The following PTPRN2 variants were observed in gnomAD, a reference collection of about 807,000 sequenced individuals.
The protein encoded by PTPRN2 is protein tyrosine phosphatase receptor type N2.
PTPRN2 carries 74 observed loss-of-function variants against 118.8 expected under a neutral mutation model. The ratio of observed to expected loss-of-function variants is 0.62; its 90% CI spans 0.52 to 0.76. The LOEUF is 0.76. Ranked by LOEUF, PTPRN2 falls within the 30% of genes least tolerant of loss-of-function variation. The probability of loss-of-function intolerance (pLI) is 0.00; values close to 1 mark genes in which losing one functional copy is unlikely to be tolerated. For synonymous variants in PTPRN2, 641 were observed against 608.0 expected, an observed-to-expected ratio of 1.05 and a Z score of -0.80; for missense variants, 1,481 against 1,394.4, an observed-to-expected ratio of 1.06 and a Z score of -0.99.
intron 11 of PTPRN2, among the ~76,000 whole-genome samples, chr7:157,976,830 T>G (rs1019907754): frequency 2.0e-5 from 3 of 151,980 alleles, no homozygotes; most frequent in Non-Finnish European, 4.4e-5. Flanking sequence ...TATTAAACTG[T>G]GGGGGTATAG....
intron 11 of PTPRN2, among the ~76,000 whole-genome samples, chr7:158,026,161 T>C (rs1807252571): frequency 6.6e-6 from 1 of 152,238 alleles, no homozygotes; most frequent in African/African-American, 2.4e-5. Flanking sequence ...CGCATGCTAA[T>C]GTATTATTTA....
At chr7:157,830,511 G>A (rs1451331711) in intron 12 of PTPRN2, among the ~76,000 whole-genome samples, 1 of 152,004 alleles carries the variant, frequency 6.6e-6, no homozygotes. Context: ...ACGCGGGGAG[G>A]GGTTGACCGT....
intron 14 of PTPRN2, among the ~76,000 whole-genome samples, chr7:157,645,209 C>T (rs534226823): frequency 8.5e-5 from 13 of 152,330 alleles, no homozygotes; most frequent in Admixed American, 2.6e-4. Flanking sequence ...GCCATGAGGA[C>T]TGTGTCCAAA....
At chr7:157,973,948 T>C (rs1251732652) in intron 11 of PTPRN2, among the ~76,000 whole-genome samples, 1 of 152,180 alleles carries the variant, frequency 6.6e-6, no homozygotes, top group Admixed American at 6.5e-5. Context: ...TCTCCATTCA[T>C]TGTCAGTGGT....
intron 12 of PTPRN2, among the ~76,000 whole-genome samples, chr7:157,847,137 C>A: frequency 7.0e-6 from 1 of 141,886 alleles, no homozygotes; most frequent in Non-Finnish European, 1.5e-5. Flanking sequence ...AGAGCCCTCT[C>A]TCACTCCATC....
At chr7:158,192,562 T>C (rs1047324235) in intron 4 of PTPRN2, 67 bp from the exon 5 acceptor site, 10 of 1,497,732 alleles carry the variant, frequency 6.7e-6, no homozygotes, top group African/African-American at 1.5e-5. Flanking sequence ...CTCTGTCCCC[T>C]GTGGTGCCTG....
At chr7:158,439,241 GGCCCCCGTCCACCTCCTGCGCATGCCTCA>G (rs1356332337) in intron 2 of PTPRN2, among the ~76,000 whole-genome samples, 1 of 151,984 alleles carries the variant, frequency 6.6e-6, no homozygotes, top group Non-Finnish European at 1.5e-5. Context: ...ACATGCCTCA[GGCCCCCGTCCACCTCCTGCGCATGCCTCA>G]GCCCCCGACC....
At chr7:157,574,097 G>A (rs1377486840) in intron 19 of PTPRN2, among the ~76,000 whole-genome samples, 6 of 152,196 alleles carry the variant, frequency 3.9e-5, no homozygotes, top group Non-Finnish European at 5.9e-5. Context: ...TGACACAGCC[G>A]TCTCATTTGA....
intron 2 of PTPRN2, among the ~76,000 whole-genome samples, chr7:158,449,959 G>A (rs560643724): frequency 3.7e-4 from 56 of 152,360 alleles, no homozygotes; most frequent in African/African-American, 7.9e-4. Flanking sequence ...TGAGGATGCC[G>A]TGGTGCCACA....
chr7:158,026,405 G>A (rs1157806385), intron 11 of PTPRN2, among the ~76,000 whole-genome samples: 2 of 152,216 alleles, frequency 1.3e-5, no homozygotes, highest in African/African-American at 4.8e-5. Flanking sequence ...TCCACTGGCC[G>A]AGGACGGGCA....
intron 9 of PTPRN2, among the ~76,000 whole-genome samples, chr7:158,131,752 T>G (rs1293605141): frequency 1.5e-5 from 2 of 130,738 alleles, no homozygotes; most frequent in Non-Finnish European, 3.3e-5. Flanking sequence ...TACACACACA[T>G]GCACATACGC....
At chr7:158,587,508 G>T (rs1829042690) in intron 1 of PTPRN2, 50 bp downstream of exon 1, 2 of 925,086 alleles carry the variant, frequency 2.2e-6, no homozygotes, top group Non-Finnish European at 2.5e-6. Flanking sequence ...CTCTCACAAC[G>T]CCCCCAACTA....
At chr7:158,452,495 GAGCTCT>G (rs945254298) in intron 2 of PTPRN2, among the ~76,000 whole-genome samples, 4 of 152,140 alleles carry the variant, frequency 2.6e-5, no homozygotes, top group African/African-American at 4.8e-5. Flanking sequence ...GTTCACCCAG[GAGCTCT>G]GAGCACGCCA....
chr7:157,710,211 G>A (rs916939317), intron 12 of PTPRN2, among the ~76,000 whole-genome samples: 8 of 152,126 alleles, frequency 5.3e-5, no homozygotes, highest in South Asian at 2.1e-4. Context: ...GCGTCCATTC[G>A]ATCCCCTTGG....
chr7:158,186,122 G>C (rs1825110499), intron 5 of PTPRN2, among the ~76,000 whole-genome samples: 1 of 152,164 alleles, frequency 6.6e-6, no homozygotes, highest in Non-Finnish European at 1.5e-5. Flanking sequence ...TCTCAAATCT[G>C]TTCCATGCAC....
At chr7:158,461,919 C>CA (rs1819023599) in intron 2 of PTPRN2, among the ~76,000 whole-genome samples, 2 of 49,540 alleles carry the variant, frequency 4.0e-5, no homozygotes, top group South Asian at 1.4e-3. Context: ...TTGTGACTTC[C>CA]AAGGAAACAA....
Position 158,529,252 on chromosome 7 carries a change from G to A in PTPRN2, c.113-39467C>T, listed in dbSNP as rs533125439. Among the ~76,000 whole-genome samples the A allele has an allele frequency of 9.8e-5, 15 of 152,334 alleles. No individual in the cohort carries two copies. Among genetic ancestry groups the A allele is most frequent in the Admixed American group, 6.5e-4 (10 of 15,304 alleles). Reference sequence around the variant, plus strand: ...TAACGCTGATGGGAGGAGCAGCTGCGTGCATATTTACTTCTGAATATTTTC... The same window carrying A: ...TAACGCTGATGGGAGGAGCAGCTGCATGCATATTTACTTCTGAATATTTTC... On this transcript the variant is annotated intron_variant, in intron 1 of 22. Coordinates refer to ENST00000389418, the MANE Select transcript of PTPRN2 (RefSeq NM_002847.5). The surrounding 1 kb of genome is among the most constrained non-coding windows in gnomAD (Gnocchi z 4.7).
intron 3 of PTPRN2, among the ~76,000 whole-genome samples, chr7:158,264,640 A>G (rs11773808): frequency 0.24 from 37,087 of 151,994 alleles, 4,860 homozygotes; most frequent in Middle Eastern, 0.33. Flanking sequence ...CGAGACTCCA[A>G]ATGGTCTCAG....
rs1805702159 is a variant in PTPRN2, at chr7:157,807,407, A to G, written c.1788+91266T>C. ...TGTGGGTTCAGAGAGCAGGAATAGC[A>G]CTCCCTGCCCTTGTCATGCTGTGGC... On this transcript the variant is annotated intron_variant, in intron 12 of 22. Transcript: ENST00000389418. Among the ~76,000 whole-genome samples the G allele has an allele frequency of 2.6e-5, 4 of 152,094 alleles. No individual in the cohort carries two copies. The South Asian group carries it at 8.3e-4, about 32-fold the overall frequency.
Sources: gnomAD v4.1 joint callset for allele counts (sites outside exome capture counted in the v4.1 genomes callset) on GRCh38, gnomAD v4.1.1 for gene constraint, Gnocchi (gnomAD v3.1) non-coding constraint, MANE v1.5 for transcripts, NCBI Gene and HGNC (gene_info 2026-07-23, HGNC 2026-07-21) for gene names.